The following ELAPOR2 variants were observed in gnomAD, a reference collection of about 807,000 sequenced individuals.
ELAPOR2 encodes endosome-lysosome associated apoptosis and autophagy regulator family member 2.
Under a neutral mutation model 120.7 loss-of-function variants are expected in ELAPOR2, and 89 were observed. The ratio of observed to expected loss-of-function variants is 0.74; its 90% CI spans 0.62 to 0.88. ELAPOR2 has a LOEUF of 0.88. Among genes scored for constraint, ELAPOR2 ranks in the 40% least tolerant of loss-of-function variants. ELAPOR2 has a pLI of 0.00. For synonymous variants in ELAPOR2, 444 were observed against 444.9 expected, an observed-to-expected ratio of 1.00 and a Z score of 0.03; for missense variants, 1,134 against 1,251.6, an observed-to-expected ratio of 0.91 and a Z score of 1.42.
chr7:86,922,781 A>G (rs947027928), intron 10 of ELAPOR2, among the ~76,000 whole-genome samples: 3 of 151,940 alleles, frequency 2.0e-5, no homozygotes, highest in African/African-American at 4.8e-5. Context: ...AATATAAACT[A>G]TAATAAACAT....
intron 12 of ELAPOR2, among the ~76,000 whole-genome samples, chr7:86,915,078 A>G (rs1486558828): frequency 1.3e-5 from 2 of 152,178 alleles, no homozygotes; most frequent in Admixed American, 1.3e-4. Context: ...CATTGTTCAT[A>G]TAACTTGAAA....
chr7:86,883,823 T>C (rs1036100357), intron 21 of ELAPOR2, among the ~76,000 whole-genome samples: 2 of 152,202 alleles, frequency 1.3e-5, no homozygotes, highest in African/African-American at 4.8e-5. Flanking sequence ...TTGGGGGTTA[T>C]AGATGTATAT....
At chr7:87,000,258 T>TA (rs1793271626) in intron 1 of ELAPOR2, among the ~76,000 whole-genome samples, 1 of 152,134 alleles carries the variant, frequency 6.6e-6, no homozygotes, top group Non-Finnish European at 1.5e-5. Context: ...ACATCCAAGG[T>TA]AATTGCAGTC....
At chr7:87,032,205 G>C (rs1211106291) in intron 1 of ELAPOR2, among the ~76,000 whole-genome samples, 1 of 152,078 alleles carries the variant, frequency 6.6e-6, no homozygotes, top group African/African-American at 2.4e-5. Context: ...ATAAAGATTT[G>C]TTTAAAGATT....
rs138340025 is a variant in ELAPOR2, at chr7:87,018,070, G to A, written c.189+41255C>T. Reference sequence around the variant, plus strand: ...TTTTGAGACAGAGTCTTGCTCTGTCGCCCAGGTTGGTGCCAGGCCCAGTAC... The same window carrying A: ...TTTTGAGACAGAGTCTTGCTCTGTCACCCAGGTTGGTGCCAGGCCCAGTAC... On this transcript the variant is annotated intron_variant, in intron 1 of 21. Coordinates refer to ENST00000450689, the MANE Select transcript of ELAPOR2 (RefSeq NM_001142749.3). Among the ~76,000 whole-genome samples, 599 of 151,822 alleles carry A rather than the reference G, an allele frequency of 3.9e-3. 3 individuals are homozygous for A. Among genetic ancestry groups the A allele is most frequent in the African/African-American group, 0.014 (575 of 41,398 alleles).
At chr7:86,897,067 T>C (rs566696437) in intron 19 of ELAPOR2, among the ~76,000 whole-genome samples, 1 of 152,248 alleles carries the variant, frequency 6.6e-6, no homozygotes, top group Admixed American at 6.5e-5. Flanking sequence ...ATGTATTAAA[T>C]ATAAAATGGA....
intron 1 of ELAPOR2, among the ~76,000 whole-genome samples, chr7:87,046,244 A>G (rs1186109573): frequency 6.6e-6 from 1 of 152,182 alleles, no homozygotes; most frequent in African/African-American, 2.4e-5. Context: ...AACTTAACCA[A>G]AGAAGTGAAA....
At chr7:86,959,376 G>T (rs1791609020) in intron 2 of ELAPOR2, among the ~76,000 whole-genome samples, 1 of 152,098 alleles carries the variant, frequency 6.6e-6, no homozygotes, top group South Asian at 2.1e-4. Flanking sequence ...AAGTGGTGAA[G>T]GTGAACGGGA....
At position 86,893,617 on chromosome 7, in the gene ELAPOR2, C is replaced by T. The variant is rs141854775; in HGVS notation, c.2686-517G>A. Among the ~76,000 whole-genome samples the T allele has an allele frequency of 7.2e-4, 109 of 152,128 alleles. 1 individual carries two copies. The highest frequency in any genetic ancestry group is 2.4e-3 in the African/African-American group (99 of 41,512). On this transcript the variant is annotated intron_variant, in intron 19 of 21. Coordinates refer to ENST00000450689, the MANE Select transcript of ELAPOR2 (RefSeq NM_001142749.3). ...ACCCTAGACCTGGGACATACAGGTG[C>T]ACCACGGCTGGGTAACTGGTGTAAG...
chr7:87,000,330 C>A (rs1167437282), intron 1 of ELAPOR2, among the ~76,000 whole-genome samples: 2 of 152,088 alleles, frequency 1.3e-5, no homozygotes, highest in Admixed American at 6.6e-5. Context: ...TGAGACCAAG[C>A]CTTTCCTCTG....
chr7:86,904,451 A>T (rs1010151268), intron 18 of ELAPOR2, among the ~76,000 whole-genome samples: 19 of 152,196 alleles, frequency 1.2e-4, no homozygotes, highest in Non-Finnish European at 2.5e-4. Flanking sequence ...TTGTGCTAGC[A>T]GTTTATTCTC....
chr7:86,959,032 C>A (rs1791595311), intron 2 of ELAPOR2, among the ~76,000 whole-genome samples: 1 of 99,010 alleles, frequency 1.0e-5, no homozygotes, highest in South Asian at 2.3e-4. Flanking sequence ...GTGTACAAGT[C>A]TGTCACCTTG....
intron 5 of ELAPOR2, 130 bp downstream of exon 5, chr7:86,941,888 T>C: frequency 1.8e-6 from 1 of 567,092 alleles, no homozygotes. Flanking sequence ...TTAATTTTGA[T>C]ATTTTTTCTT....
intron 8 of ELAPOR2, among the ~76,000 whole-genome samples, chr7:86,936,942 TA>T (rs1360445714): frequency 6.6e-6 from 1 of 152,144 alleles, no homozygotes; most frequent in East Asian, 1.9e-4. Flanking sequence ...TAAAATAAAC[TA>T]AATTGACTTT....
intron 5 of ELAPOR2, among the ~76,000 whole-genome samples, chr7:86,941,577 G>T (rs914968372): frequency 2.0e-5 from 3 of 152,020 alleles, no homozygotes; most frequent in African/African-American, 7.2e-5. Context: ...TGGGCACAGC[G>T]CAGAGAAAGA....
intron 1 of ELAPOR2, among the ~76,000 whole-genome samples, chr7:87,038,965 G>A (rs1269400450): frequency 6.6e-6 from 1 of 151,138 alleles, no homozygotes; most frequent in Non-Finnish European, 1.5e-5. Context: ...AAATACAAAC[G>A]ATCAATGAAA....
At chr7:86,963,364 C>G (rs942534630) in intron 2 of ELAPOR2, among the ~76,000 whole-genome samples, 3 of 152,134 alleles carry the variant, frequency 2.0e-5, no homozygotes, top group African/African-American at 7.2e-5. Context: ...TGACCCCTAG[C>G]CAACAAATGT....
chr7:86,892,934 T>G lies in ELAPOR2; in HGVS notation c.2852A>C (p.Lys951Thr). Residue 951 changes from lysine (K) to threonine (T), a missense_variant, in exon 20 of 22, where the codon AAA becomes ACA. Around this residue, in one of 3 missense-constraint regions of ELAPOR2, gnomAD observed 831 missense variants for 867.6 expected, o/e 0.96. Transcript: ENST00000450689. ...AGAGGGTACTTACTTTTGATTCTTT[T>G]TCCAGAAGTAGCAGGTCAGAGCCAC... ...LLVALTCYFW[K>T]KNQKLEYKYS... 6.5e-7 allele frequency: 1 copy of G among 1,542,630 alleles called. No homozygotes were observed. Among genetic ancestry groups the G allele is most frequent in the Non-Finnish European group, 8.7e-7 (1 of 1,155,908 alleles).
At chr7:86,904,487 A>C (rs577150761) in intron 18 of ELAPOR2, among the ~76,000 whole-genome samples, 35 of 152,272 alleles carry the variant, frequency 2.3e-4, no homozygotes, top group Non-Finnish European at 4.9e-4. Context: ...CTACACTAGA[A>C]AATCTCGTAA....
Sources: allele counts gnomAD v4.1 joint callset (sites outside exome capture counted in the v4.1 genomes callset), GRCh38; gene constraint gnomAD v4.1.1; regional missense constraint gnomAD v4.1.1; transcripts MANE v1.5; gene names NCBI Gene and HGNC (gene_info 2026-07-23, HGNC 2026-07-21).